The following CCDC60 variants were observed in gnomAD, a reference collection of about 807,000 sequenced individuals.
The protein encoded by CCDC60 is coiled-coil domain-containing protein 60.
Under a neutral mutation model 63.5 loss-of-function variants are expected in CCDC60, and 54 were observed. The observed-to-expected ratio is 0.85, with a 90% CI of 0.68 to 1.07. The LOEUF (loss-of-function observed/expected upper bound fraction) is 1.07, where lower values mean the gene tolerates loss of function less well. CCDC60 is among the 50% of genes least tolerant of loss of function. The pLI is 0.00. For missense variants in CCDC60, 651 were observed against 684.3 expected (o/e 0.95, Z 0.54); for synonymous variants, 206 against 238.8 (o/e 0.86, Z 1.27).
At chr12:119,523,124 C>T (rs1764413199) in intron 10 of CCDC60, 123 bp downstream of exon 10, 1 of 895,656 alleles carries the variant, frequency 1.1e-6, no homozygotes, top group African/African-American at 1.6e-5. Context: ...GTAGATGATG[C>T]TGAAGGACAA....
In CCDC60 at chr12:119,431,462, C is replaced by T. The variant is rs564647056; in HGVS notation, c.170+2700C>T. Among the ~76,000 whole-genome samples the T allele has an allele frequency of 1.5e-4, 23 of 152,242 alleles. 1 individual carries two copies. The highest frequency in any genetic ancestry group is 3.3e-4 in the Admixed American group (5 of 15,300). Reference sequence around the variant, plus strand: ...CAGCTGATCCATCAAGTACAGGGTCCGCAAAATATCTCAAGCACTGATCTT... The same window carrying T: ...CAGCTGATCCATCAAGTACAGGGTCTGCAAAATATCTCAAGCACTGATCTT... On this transcript the variant is annotated intron_variant, in intron 2 of 13. Coordinates refer to ENST00000327554, the MANE Select transcript of CCDC60 (RefSeq NM_178499.5).
chr12:119,379,809 T>G (rs1955990064), intron 1 of CCDC60, among the ~76,000 whole-genome samples: 1 of 152,128 alleles, frequency 6.6e-6, no homozygotes, highest in Non-Finnish European at 1.5e-5. Context: ...GGCCATGACT[T>G]AAAAGTTAAG....
chr12:119,535,813 C>T (rs1051427257), intron 13 of CCDC60, among the ~76,000 whole-genome samples: 3 of 152,150 alleles, frequency 2.0e-5, no homozygotes, highest in African/African-American at 7.2e-5. Context: ...TTTACATTTG[C>T]TGAGGAGTGC....
chr12:119,344,464 G>A (rs1955566145), intron 1 of CCDC60, among the ~76,000 whole-genome samples: 1 of 152,032 alleles, frequency 6.6e-6, no homozygotes, highest in Non-Finnish European at 1.5e-5. Context: ...ACTACCACAG[G>A]GTGGGTGTTC....
chr12:119,472,003 C>G lies in CCDC60; in HGVS notation c.180C>G (p.Ile60Met). Residue 60 changes from isoleucine (I) to methionine (M), a missense_variant, in exon 3 of 14, where the codon ATC (isoleucine) becomes ATG (methionine). Ile to Met is a conservative substitution (Grantham distance 10). Coordinates refer to ENST00000327554, the MANE Select transcript of CCDC60 (RefSeq NM_178499.5). ...KKDLIRSRFL[I>M]QSVKIGRGYF... ...CCCTGCATGTCTCCAGCTTTTTGAT[C>G]CAGTCTGTGAAGATAGGCCGTGGAT... The G allele has an allele frequency of 1.2e-6, 2 of 1,612,316 alleles. No homozygotes were observed. The highest frequency in any genetic ancestry group is 1.7e-6 in the Non-Finnish European group (2 of 1,179,224).
chr12:119,507,610 A>ATTT lies in CCDC60; in HGVS notation c.883+2308_883+2309insTTT, dbSNP rs1352840585. On this transcript the variant is annotated intron_variant, in intron 7 of 13. Coordinates refer to ENST00000327554, the MANE Select transcript of CCDC60 (RefSeq NM_178499.5). ...TATATACATATATATATATATATAT[A>ATTT]TATATTTTTTTTTTTTTTTTCTAGA... Among the ~76,000 whole-genome samples, 37 of 34,734 alleles carry ATTT rather than the reference A, an allele frequency of 1.1e-3. 4 individuals are homozygous for ATTT. The highest frequency in any genetic ancestry group is 2.5e-3 in the African/African-American group (24 of 9,612). The allele number at this position is 34,734 out of a possible 152,430, so 22.8% of individuals were successfully genotyped here.
intron 1 of CCDC60, among the ~76,000 whole-genome samples, chr12:119,372,854 T>C (rs556598050): frequency 1.3e-5 from 2 of 152,320 alleles, no homozygotes; most frequent in African/African-American, 2.4e-5. Flanking sequence ...TTGTTTATGA[T>C]GTGTTCATTT....
chr12:119,529,283 C>T (rs1952772898), intron 12 of CCDC60, among the ~76,000 whole-genome samples: 1 of 151,860 alleles, frequency 6.6e-6, no homozygotes, highest in Non-Finnish European at 1.5e-5. Context: ...CCATTTTATC[C>T]CCCCCAACAA....
At chr12:119,369,854 G>A (rs1955880475) in intron 1 of CCDC60, among the ~76,000 whole-genome samples, 1 of 152,168 alleles carries the variant, frequency 6.6e-6, no homozygotes, top group African/African-American at 2.4e-5. Context: ...AATGAATGTG[G>A]TGAAATGGGG....
intron 1 of CCDC60, among the ~76,000 whole-genome samples, chr12:119,337,429 G>A (rs890055028): frequency 2.0e-5 from 3 of 152,182 alleles, no homozygotes; most frequent in Non-Finnish European, 2.9e-5. Flanking sequence ...GAGCTGCTCC[G>A]CTTCAGTGCT....
chr12:119,356,071 A>T (rs139311632), intron 1 of CCDC60, among the ~76,000 whole-genome samples: 1 of 152,342 alleles, frequency 6.6e-6, no homozygotes, highest in East Asian at 1.9e-4. Flanking sequence ...AATTAATGCA[A>T]CATCTTCCGC....
At chr12:119,518,566 ATAT>A (rs1952414888) in intron 8 of CCDC60, among the ~76,000 whole-genome samples, 2 of 152,312 alleles carry the variant, frequency 1.3e-5, no homozygotes, top group South Asian at 4.1e-4. Context: ...GAATAAGATA[ATAT>A]TATCCCTGTA....
chr12:119,358,485 T>C (rs557218444), intron 1 of CCDC60, among the ~76,000 whole-genome samples: 249 of 152,226 alleles, frequency 1.6e-3, no homozygotes, highest in Non-Finnish European at 3.1e-3. Flanking sequence ...TTTGAGCCAA[T>C]ACATTTCTGT....
intron 2 of CCDC60, among the ~76,000 whole-genome samples, chr12:119,438,216 T>C (rs1324063194): frequency 6.6e-6 from 1 of 152,218 alleles, no homozygotes; most frequent in African/African-American, 2.4e-5. Context: ...TACTCTCTCC[T>C]GAGGGTAAAT....
intron 1 of CCDC60, among the ~76,000 whole-genome samples, chr12:119,350,783 T>A (rs1287856117): frequency 6.6e-6 from 1 of 152,162 alleles, no homozygotes; most frequent in Non-Finnish European, 1.5e-5. Context: ...TTTTCAGAAG[T>A]CCACCCCATT....
At chr12:119,400,135 C>T (rs1001230928) in intron 1 of CCDC60, among the ~76,000 whole-genome samples, 4 of 151,852 alleles carry the variant, frequency 2.6e-5, no homozygotes, top group African/African-American at 4.8e-5. Flanking sequence ...CTGCAACCTC[C>T]GCCTCCGGGG....
At chr12:119,387,034 TCA>T (rs1555233707) in intron 1 of CCDC60, among the ~76,000 whole-genome samples, 1,524 of 105,204 alleles carry the variant, frequency 0.014, 31 homozygotes, top group Non-Finnish European at 0.017. Flanking sequence ...TCTGTCTCTC[TCA>T]CACACACACA....
intron 2 of CCDC60, among the ~76,000 whole-genome samples, chr12:119,465,219 G>A (rs952178988): frequency 9.2e-5 from 14 of 151,740 alleles, no homozygotes; most frequent in Non-Finnish European, 1.8e-4. Context: ...AGGCTGAGGC[G>A]GGAGAATGGC....
chr12:119,477,442 C>T (rs539246488), intron 3 of CCDC60, among the ~76,000 whole-genome samples: 1 of 152,210 alleles, frequency 6.6e-6, no homozygotes, highest in East Asian at 1.9e-4. Context: ...TCTATTGGAA[C>T]ACTTATCACA....
Sources: gnomAD v4.1 joint callset for allele counts (sites outside exome capture counted in the v4.1 genomes callset) on GRCh38, gnomAD v4.1.1 for gene constraint, MANE v1.5 for transcripts, NCBI Gene and HGNC (gene_info 2026-07-23, HGNC 2026-07-21) for gene names.